Variants in ATP1A1 observed in about 807,000 individuals in gnomAD.
ATP1A1 encodes the protein sodium/potassium-transporting ATPase subunit alpha-1.
A neutral mutation model predicts 114.8 loss-of-function variants in ATP1A1; 14 were observed. The ratio of observed to expected loss-of-function variants is 0.12; its 90% CI spans 0.08 to 0.19. ATP1A1 has a LOEUF of 0.19. ATP1A1 is among the 10% of genes least tolerant of loss of function. The pLI, the probability that ATP1A1 is intolerant of heterozygous loss-of-function variation, is 1.00. For synonymous variants in ATP1A1, 471 were observed against 466.3 expected (o/e 1.01, Z -0.13); for missense variants, 524 against 1,290.7 (o/e 0.41, Z 9.10).
At position 116,400,383 on chromosome 1, in the gene ATP1A1, G is replaced by A. The variant is rs555273404; in HGVS notation, c.2573-478G>A. ...CCTGCCCTGAGGAACTTGGAGCAGC[G>A]TGGTTAAATTGGATGCCAGGGGGAG... On this transcript the variant is annotated intron_variant, in intron 18 of 22. Transcript: ENST00000295598. Among the ~76,000 whole-genome samples the A allele has an allele frequency of 1.8e-3, 275 of 152,280 alleles. 1 individual carries two copies. The highest frequency in any genetic ancestry group is 5.3e-3 in the African/African-American group (220 of 41,546).
rs983082187 is a variant in ATP1A1 at position 116,385,657 on chromosome 1, C to T, written c.183+815C>T. ...AGTGGCAGGCTTCAAGAAACAGGAT[C>T]TCTCTCCTGCCCTCCTTTTCACCTG... On this transcript the variant is annotated intron_variant, in intron 3 of 22. Coordinates refer to ENST00000295598, the MANE Select transcript of ATP1A1 (RefSeq NM_000701.8). This position sits in a 1 kb window ranked among gnomAD's most constrained non-coding sequence, Gnocchi z 4.3. 2 of 151,914 alleles carry T rather than the reference C, an allele frequency of 1.3e-5. No individual in the cohort carries two copies. The highest frequency in any genetic ancestry group is 2.9e-5 in the Non-Finnish European group (2 of 68,000). The allele number at this position is 151,914 out of a possible 1,614,324, so 9.4% of individuals were successfully genotyped here.
intron 1 of ATP1A1, among the ~76,000 whole-genome samples, chr1:116,377,713 C>T (rs1011351098): frequency 2.6e-5 from 4 of 152,138 alleles, no homozygotes; most frequent in Admixed American, 6.5e-5. Context: ...TTCTAGCTGC[C>T]GAGGGCTCTC....
rs940736290 is a variant in ATP1A1 at position 116,374,274 on chromosome 1, C to T, written c.12+751C>T. On this transcript the variant is annotated intron_variant, in intron 1 of 22. Transcript: ENST00000295598. ...TTTGAGGGCTTTCTTGGGCCACTTTCCGTAAACACAGGATGCACCGATGGC... is the reference window on the plus strand; with the variant it reads ...TTTGAGGGCTTTCTTGGGCCACTTTTCGTAAACACAGGATGCACCGATGGC... 5 of 1,551,610 alleles carry T rather than the reference C, an allele frequency of 3.2e-6. No homozygotes were observed. The African/African-American group carries it at 5.5e-5, about 17-fold the overall frequency.
chr1:116,384,153 A>G lies in ATP1A1; in HGVS notation c.123+29A>G. On this transcript the variant is annotated intron_variant, in intron 2 of 22. Transcript: ENST00000295598. The surrounding 1 kb of genome is among the most constrained non-coding windows in gnomAD (Gnocchi z 5.1). ...AGTACTAGGAGGAATATTGTATTCC[A>G]TCCTTATTAAAAATCCATGATTTTT... is the stretch of plus-strand genomic sequence containing the variant. 4 of 1,558,140 alleles carry G rather than the reference A, an allele frequency of 2.6e-6. No individual in the cohort carries two copies. The highest frequency in any genetic ancestry group is 1.1e-5 in the South Asian group (1 of 89,184).
In ATP1A1 at chr1:116,396,601, A is replaced by G; in HGVS notation, c.1840A>G (p.Ile614Val). 2.5e-6 allele frequency: 4 copies of G among 1,613,756 alleles called. No individual in the cohort carries two copies. Among genetic ancestry groups the G allele is most frequent in the Non-Finnish European group, 3.4e-6 (4 of 1,179,856 alleles). Residue 614 changes from isoleucine to valine, a missense_variant, in exon 14 of 23, where the codon ATC becomes GTC. Ile to Val is a conservative substitution (Grantham distance 29, BLOSUM62 3). Around this residue, in one of 8 missense-constraint regions of ATP1A1, gnomAD observed 12 missense variants for 63.1 expected, o/e 0.19. Transcript: ENST00000295598. ...GKCRSAGIKVIMVTGDHPITA... is the reference protein window; with the variant it reads ...GKCRSAGIKVVMVTGDHPITA... ...CACATTGTCTTGTTTATTACAGGTC[A>G]TCATGGTCACAGGAGACCATCCAAT... is the stretch of plus-strand genomic sequence containing the variant.
At chr1:116,394,388 TG>T (rs1652731107) in intron 12 of ATP1A1, among the ~76,000 whole-genome samples, 1 of 152,148 alleles carries the variant, frequency 6.6e-6, no homozygotes, top group African/African-American at 2.4e-5. Context: ...ATCTAACTCA[TG>T]GTATCTTTCG....
chr1:116,383,055 G>A (rs1430546705), intron 1 of ATP1A1, among the ~76,000 whole-genome samples: 1 of 152,062 alleles, frequency 6.6e-6, no homozygotes, highest in East Asian at 1.9e-4. Context: ...TTCAACAGGG[G>A]TGGGGGAGTG....
chr1:116,390,750 G>A lies in ATP1A1; in HGVS notation c.1223-32G>A, dbSNP rs12130872. On this transcript the variant is annotated intron_variant, in intron 9 of 22. Transcript: ENST00000295598. ...ACACAGCCTTTGAAGTTAATGCATTGTTGTTCTGTTGTGTTTTCTTGCCTC... is the reference window on the plus strand; with the variant it reads ...ACACAGCCTTTGAAGTTAATGCATTATTGTTCTGTTGTGTTTTCTTGCCTC... 98,381 of 1,556,902 alleles carry A rather than the reference G, an allele frequency of 0.063. 14,945 individuals are homozygous for A. The highest frequency in any genetic ancestry group is 0.6 in the African/African-American group (43,823 of 73,630).
rs1368221819 is a variant in ATP1A1, at chr1:116,398,890, T to C, written c.2294-40T>C. 1 of 1,613,088 alleles carries C rather than the reference T, an allele frequency of 6.2e-7. No homozygotes were observed. The highest frequency in any genetic ancestry group is 1.1e-5 in the South Asian group (1 of 91,044). Reference sequence around the variant, plus strand: ...GGATATGTTCAGTTTCCAGTGTGCTTGTCTCATAAGCTAACAGTAAAAAAT... The same window carrying C: ...GGATATGTTCAGTTTCCAGTGTGCTCGTCTCATAAGCTAACAGTAAAAAAT... On this transcript the variant is annotated intron_variant, in intron 16 of 22. Coordinates refer to ENST00000295598, the MANE Select transcript of ATP1A1 (RefSeq NM_000701.8). The surrounding 1 kb of genome is among the most constrained non-coding windows in gnomAD (Gnocchi z 6.1).
At chr1:116,390,550 T>TTTTA (rs1652382162) in intron 9 of ATP1A1, 139 bp downstream of exon 9, 1 of 960,030 alleles carries the variant, frequency 1.0e-6, no homozygotes, top group African/African-American at 1.8e-5. Context: ...TTTTTTTTTT[T>TTTTA]ATCATTTAGT....
In ATP1A1 at chr1:116,399,110, G is replaced by T; in HGVS notation, c.2448+26G>T. The T allele has an allele frequency of 1.9e-6, 3 of 1,613,898 alleles. No homozygotes were observed. Among genetic ancestry groups the T allele is most frequent in the Non-Finnish European group, 2.5e-6 (3 of 1,179,868 alleles). On this transcript the variant is annotated intron_variant, in intron 17 of 22. Transcript: ENST00000295598. This position sits in a 1 kb window ranked among gnomAD's most constrained non-coding sequence, Gnocchi z 5.0. The stretch of plus-strand genomic sequence containing the variant: ...GTGAGTGTCACAACAGTCACAGATC[G>T]ATAGTAGTGAGGTGTGAGCTGTGTC...
In ATP1A1 at chr1:116,385,684, C is replaced by T. The variant is rs1226286093; in HGVS notation, c.183+842C>T. 3 of 152,122 alleles carry T rather than the reference C, an allele frequency of 2.0e-5. No individual in the cohort carries two copies. The highest frequency in any genetic ancestry group is 4.8e-5 in the African/African-American group (2 of 41,414). 9.4% of individuals were successfully genotyped at this position (152,122 alleles called of 1,614,324 possible). On this transcript the variant is annotated intron_variant, in intron 3 of 22. Transcript: ENST00000295598. The surrounding 1 kb of genome is among the most constrained non-coding windows in gnomAD (Gnocchi z 4.3). ...CTCTCCTGCCCTCCTTTTCACCTGT[C>T]GCAAGGCAGGACTCTAATCTTGTTC...
intron 1 of ATP1A1, chr1:116,374,084 G>C: frequency 7.0e-7 from 1 of 1,427,372 alleles, no homozygotes; most frequent in Non-Finnish European, 9.2e-7. Context: ...CTCCGGGTTC[G>C]GGGCTCCTTC....
chr1:116,374,083 C>T (rs906096885), intron 1 of ATP1A1: 2 of 1,427,398 alleles, frequency 1.4e-6, no homozygotes, highest in East Asian at 5.3e-5. Context: ...CCTCCGGGTT[C>T]GGGGCTCCTT....
chr1:116,393,097 T>C lies in ATP1A1; in HGVS notation c.1467+109T>C, dbSNP rs2101051117. 6.8e-7 allele frequency: 1 copy of C among 1,477,512 alleles called. No individual in the cohort carries two copies. 91.5% of individuals were successfully genotyped at this position (1,477,512 alleles called of 1,614,324 possible). On this transcript the variant is annotated intron_variant, in intron 11 of 22. Transcript: ENST00000295598. This position sits in a 1 kb window ranked among gnomAD's most constrained non-coding sequence, Gnocchi z 5.0. ...TCTCCCTTTGGAGTTTTATAAGCTT[T>C]AGCTTTAAATTTTGCCCTTGATTAC...
rs540667209 is a variant in ATP1A1 at position 116,393,932 on chromosome 1, G to A, written c.1660+209G>A. On this transcript the variant is annotated intron_variant, in intron 12 of 22. Coordinates refer to ENST00000295598, the MANE Select transcript of ATP1A1 (RefSeq NM_000701.8). The surrounding 1 kb of genome is among the most constrained non-coding windows in gnomAD (Gnocchi z 5.0). ...AGAAATGTTCAGCGTATTGGGCTGTGAGAAACAACGTCCTGATGGTTTGCT... is the reference window on the plus strand; with the variant it reads ...AGAAATGTTCAGCGTATTGGGCTGTAAGAAACAACGTCCTGATGGTTTGCT... Among the ~76,000 whole-genome samples the A allele has an allele frequency of 1.3e-5, 2 of 152,218 alleles. No individual in the cohort carries two copies. The highest frequency in any genetic ancestry group is 3.9e-4 in the East Asian group (2 of 5,170).
In ATP1A1 at chr1:116,388,436, C is replaced by G; in HGVS notation, c.501+192C>G. 3.1e-6 allele frequency: 3 copies of G among 983,130 alleles called. No individual in the cohort carries two copies. Among genetic ancestry groups the G allele is most frequent in the Non-Finnish European group, 4.4e-6 (3 of 678,692 alleles). The allele number at this position is 983,130 out of a possible 1,614,324, so 60.9% of individuals were successfully genotyped here. A position where few individuals can be genotyped will look rare whatever the true frequency, so the allele number is the denominator to read the frequency against. On this transcript the variant is annotated intron_variant, in intron 5 of 22. Transcript: ENST00000295598. This position sits in a 1 kb window ranked among gnomAD's most constrained non-coding sequence, Gnocchi z 5.6. ...TGGTAGCCTTTCTTTTGAATGTAAA[C>G]TCTGAATACAGGCACACCATGTAAC...
chr1:116,388,087 T>C lies in ATP1A1; in HGVS notation c.388-44T>C. The C allele has an allele frequency of 7.8e-7, 1 of 1,289,078 alleles. No homozygotes were observed. The highest frequency in any genetic ancestry group is 1.3e-5 in the South Asian group (1 of 78,330). The allele number at this position is 1,289,078 out of a possible 1,614,324, so 79.9% of individuals were successfully genotyped here. Reference sequence around the variant, plus strand: ...AAAAAATTAATTGAATGTCCCTAATTATTGTGTAGAGCCACGGGCCCTAAC... The same window carrying C: ...AAAAAATTAATTGAATGTCCCTAATCATTGTGTAGAGCCACGGGCCCTAAC... On this transcript the variant is annotated intron_variant, in intron 4 of 22. Transcript: ENST00000295598. The surrounding 1 kb of genome is among the most constrained non-coding windows in gnomAD (Gnocchi z 5.6).
chr1:116,373,880 GC>G, intron 1 of ATP1A1: 1 of 1,289,304 alleles, frequency 7.8e-7, no homozygotes, highest in Non-Finnish European at 9.8e-7. Context: ...AGCGGGGGCG[GC>G]CCCGGGACTG....
Sources: gnomAD v4.1 joint callset for allele counts (sites outside exome capture counted in the v4.1 genomes callset) on GRCh38, gnomAD v4.1.1 for gene constraint, gnomAD v4.1.1 regional missense constraint, Gnocchi (gnomAD v3.1) non-coding constraint, MANE v1.5 for transcripts, NCBI Gene and HGNC (gene_info 2026-07-23, HGNC 2026-07-21) for gene names.